Variants in STK3 observed in about 807,000 individuals in gnomAD.
STK3 encodes serine/threonine-protein kinase 3.
Under a neutral mutation model 58.0 loss-of-function variants are expected in STK3, and 41 were observed. The observed-to-expected ratio is 0.71, with a 90% confidence interval of 0.55 to 0.92. STK3 has a LOEUF of 0.92. STK3 is among the 40% of genes least tolerant of loss of function. The probability of loss-of-function intolerance (pLI) is 0.00; values close to 1 mark genes in which losing one functional copy is unlikely to be tolerated. For synonymous variants in STK3, 170 were observed against 191.0 expected, an observed-to-expected ratio of 0.89 and a Z score of 0.91; for missense variants, 479 against 602.7, an observed-to-expected ratio of 0.79 and a Z score of 2.15.
chr8:98,671,827 T>G (rs1822853693), intron 6 of STK3, among the ~76,000 whole-genome samples: 1 of 152,196 alleles, frequency 6.6e-6, no homozygotes, highest in Non-Finnish European at 1.5e-5. Context: ...TGAATTGTAA[T>G]AATCCTCAGG....
chr8:98,830,726 C>G (rs202172612), intron 3 of STK3, among the ~76,000 whole-genome samples: 1 of 151,958 alleles, frequency 6.6e-6, no homozygotes, highest in African/African-American at 2.4e-5. Flanking sequence ...ATCCCAGCAC[C>G]TTGGGAGGCC....
At chr8:98,825,479 C>A in intron 1 of STK3, 36 bp downstream of exon 1, 1 of 1,445,690 alleles carries the variant, frequency 6.9e-7, no homozygotes, top group Non-Finnish European at 9.2e-7. Flanking sequence ...CCGCCGGCGC[C>A]GCTTCCCTCC....
chr8:98,545,444 C>A (rs1042337803), intron 9 of STK3, among the ~76,000 whole-genome samples: 1 of 152,146 alleles, frequency 6.6e-6, no homozygotes, highest in Non-Finnish European at 1.5e-5. Flanking sequence ...TTGGGACATG[C>A]CCATAGGGTC....
chr8:98,912,593 A>G (rs1290756292), intron 1 of STK3, among the ~76,000 whole-genome samples: 2 of 152,134 alleles, frequency 1.3e-5, no homozygotes, highest in Non-Finnish European at 2.9e-5. Flanking sequence ...AGAACAGACT[A>G]AAAAACATAC....
intron 10 of STK3, among the ~76,000 whole-genome samples, chr8:98,516,317 C>T (rs1824930040): frequency 6.6e-6 from 1 of 152,010 alleles, no homozygotes; most frequent in South Asian, 2.1e-4. Context: ...CACAGGTTGA[C>T]TAATTCTGGA....
At chr8:98,846,533 G>C (rs576949077) in intron 3 of STK3, among the ~76,000 whole-genome samples, 2 of 152,258 alleles carry the variant, frequency 1.3e-5, no homozygotes, top group Admixed American at 1.3e-4. Context: ...CCTTGGTCCT[G>C]TTTTCTGGGA....
At chr8:98,864,513 T>G (rs1482133199) in intron 3 of STK3, among the ~76,000 whole-genome samples, 1 of 152,234 alleles carries the variant, frequency 6.6e-6, no homozygotes, top group Non-Finnish European at 1.5e-5. Context: ...TGTTTTCATA[T>G]AACTAAACTA....
chr8:98,858,623 G>A (rs904872047), intron 3 of STK3, among the ~76,000 whole-genome samples: 8 of 151,364 alleles, frequency 5.3e-5, no homozygotes, highest in African/African-American at 1.9e-4. Context: ...GCCAGGCGCC[G>A]TGACTCACAC....
At chr8:98,516,521 A>G (rs946490705) in intron 10 of STK3, among the ~76,000 whole-genome samples, 1 of 152,066 alleles carries the variant, frequency 6.6e-6, no homozygotes, top group Non-Finnish European at 1.5e-5. Context: ...TTATTTGCAG[A>G]CTTGAGCTAT....
intron 7 of STK3, among the ~76,000 whole-genome samples, chr8:98,585,617 T>G (rs908997744): frequency 4.7e-5 from 7 of 150,176 alleles, no homozygotes; most frequent in African/African-American, 9.8e-5. Flanking sequence ...AAGTAGTTTT[T>G]TCCAATTCTG....
In STK3 at chr8:98,428,657, G is replaced by A; in HGVS notation, n.483+5470C>T. The A allele has an allele frequency of 6.2e-7, 1 of 1,614,178 alleles. No homozygotes were observed. The highest frequency in any genetic ancestry group is 8.5e-7 in the Non-Finnish European group (1 of 1,180,030). On this transcript the variant is annotated intron_variant and non_coding_transcript_variant, in intron 3 of 3. Transcript: ENST00000517832. The surrounding 1 kb of genome is among the most constrained non-coding windows in gnomAD (Gnocchi z 6.7). ...AGGGCAACCCTGGCGAGGACCCTAGGTTCGAAATCGTGGAGCACTTTGGCA... is the reference window on the plus strand; with the variant it reads ...AGGGCAACCCTGGCGAGGACCCTAGATTCGAAATCGTGGAGCACTTTGGCA...
the STK3 span, among the ~76,000 whole-genome samples, chr8:98,345,513 G>A: frequency 6.6e-6 from 1 of 151,956 alleles, no homozygotes; most frequent in South Asian, 2.1e-4. Context: ...AGAAATTGGA[G>A]TGATGTCATC....
chr8:98,786,869 T>C (rs1024116912), intron 1 of STK3, among the ~76,000 whole-genome samples: 1 of 151,922 alleles, frequency 6.6e-6, no homozygotes, highest in African/African-American at 2.4e-5. Flanking sequence ...AGGCATATAC[T>C]CACCAGGCCG....
chr8:98,795,378 A>C (rs1311339763), intron 1 of STK3, among the ~76,000 whole-genome samples: 1 of 151,494 alleles, frequency 6.6e-6, no homozygotes, highest in African/African-American at 2.4e-5. Context: ...ACTAGACATC[A>C]AAGGAACATA....
chr8:98,740,677 C>T (rs574615697), intron 4 of STK3, among the ~76,000 whole-genome samples: 19 of 152,264 alleles, frequency 1.2e-4, no homozygotes, highest in African/African-American at 3.6e-4. Flanking sequence ...TAGGAAGAAA[C>T]GGTATCAACT....
downstream of STK3, among the ~76,000 whole-genome samples, chr8:98,398,742 G>A (rs1372139195): frequency 2.6e-5 from 4 of 152,152 alleles, no homozygotes; most frequent in African/African-American, 2.4e-5. Flanking sequence ...TCCCAGCCTC[G>A]GGCAAATTTT....
At chr8:98,391,430 A>G (rs1227257970), upstream of STK3, 1 of 152,258 alleles carries the variant, frequency 6.6e-6, no homozygotes, top group African/African-American at 2.4e-5. Context: ...CATGCAGCTC[A>G]TAAACACCTT....
intron 4 of STK3, chr8:98,721,053 T>C: frequency 1.5e-5 from 15 of 972,930 alleles, no homozygotes; most frequent in African/African-American, 1.8e-5. Flanking sequence ...GTTAATGAAT[T>C]GTAGAAGTAA....
intron 8 of STK3, among the ~76,000 whole-genome samples, chr8:98,576,127 G>A (rs1221503231): frequency 2.6e-5 from 4 of 152,122 alleles, no homozygotes. Context: ...TGGCTATCCA[G>A]CTATCCCAGT....
Sources: allele counts gnomAD v4.1 joint callset (sites outside exome capture counted in the v4.1 genomes callset), GRCh38; gene constraint gnomAD v4.1.1; non-coding constraint Gnocchi (gnomAD v3.1); transcripts MANE v1.5; gene names NCBI Gene and HGNC (gene_info 2026-07-23, HGNC 2026-07-21).